CFAP69: variants seen among roughly 807,000 people sequenced by gnomAD.
CFAP69 encodes cilia- and flagella-associated protein 69.
In CFAP69, 92 loss-of-function variants were observed where a neutral mutation model predicts 123.0. The ratio of observed to expected loss-of-function variants is 0.75; its 90% CI spans 0.63 to 0.89. CFAP69 has a LOEUF of 0.89. CFAP69 is among the 40% of genes least tolerant of loss of function. The pLI is 0.00. For synonymous variants in CFAP69, 380 were observed against 364.3 expected, an observed-to-expected ratio of 1.04 and a Z score of -0.49; for missense variants, 1,067 against 1,096.9, an observed-to-expected ratio of 0.97 and a Z score of 0.39.
intron 15 of CFAP69, among the ~76,000 whole-genome samples, chr7:90,291,029 G>A (rs982676704): frequency 1.7e-4 from 26 of 152,026 alleles, no homozygotes; most frequent in Non-Finnish European, 3.8e-4. Flanking sequence ...ACCAAAGTAG[G>A]CACTTTAGCA....
chr7:90,258,850 TCA>T, intron 3 of CFAP69, among the ~76,000 whole-genome samples: 1 of 152,294 alleles, frequency 6.6e-6, no homozygotes, highest in East Asian at 1.9e-4. Context: ...GTGGATAATG[TCA>T]GTTTTTGTCG....
intron 22 of CFAP69, 102 bp downstream of exon 22, chr7:90,309,469 A>G (rs929598319): frequency 1.4e-5 from 8 of 561,284 alleles, no homozygotes; most frequent in Non-Finnish European, 2.4e-5. Context: ...TACCCATTAA[A>G]TGGATGGATT....
Position 90,279,852 on chromosome 7 carries a change from A to G in CFAP69, c.1331A>G (p.Asn444Ser), listed in dbSNP as rs1299113796. 1.2e-6 allele frequency: 2 copies of G among 1,611,030 alleles called. No individual in the cohort carries two copies. The highest frequency in any genetic ancestry group is 1.7e-5 in the Admixed American group (1 of 59,020). Residue 444 changes from asparagine (N) to serine (S), a missense_variant, in exon 12 of 23, where the codon AAT (asparagine) becomes AGT (serine). Asn to Ser is a conservative substitution (Grantham distance 46). Transcript: ENST00000389297. ...LIEEYMSCQG[N>S]ARVLAFLEWC... ...GAAGAATACATGTCATGCCAGGGAA[A>G]TGCTCGAGTCCTTGCATTTCTAGAA...
chr7:90,314,870 C>A (rs776546372), downstream of CFAP69, among the ~76,000 whole-genome samples: 2 of 151,506 alleles, frequency 1.3e-5, no homozygotes, highest in Admixed American at 6.6e-5. Flanking sequence ...TCGCTCCCCC[C>A]CCTGCTTTAA....
intron 20 of CFAP69, 30 bp downstream of exon 20, chr7:90,307,128 A>G (rs1333599077): frequency 6.4e-7 from 1 of 1,572,682 alleles, no homozygotes; most frequent in African/African-American, 1.4e-5. Flanking sequence ...AGGAGGGAGA[A>G]TGAAGATAGG....
At chr7:90,293,514 G>T (rs546071547) in intron 15 of CFAP69, among the ~76,000 whole-genome samples, 3 of 152,046 alleles carry the variant, frequency 2.0e-5, no homozygotes, top group African/African-American at 7.2e-5. Context: ...TCACAAATCT[G>T]CCCCAACTTG....
chr7:90,303,411 C>G (rs1436868264), intron 17 of CFAP69: 1 of 254,894 alleles, frequency 3.9e-6, no homozygotes, highest in Non-Finnish European at 6.2e-6. Context: ...ATGCTTCCAG[C>G]TTTTCTCCAT....
intron 15 of CFAP69, among the ~76,000 whole-genome samples, 186 bp from the exon 16 acceptor site, chr7:90,297,563 G>T (rs960559752): frequency 6.6e-6 from 1 of 152,156 alleles, no homozygotes; most frequent in Non-Finnish European, 1.5e-5. Flanking sequence ...TTTTAAAAAC[G>T]TTGAAACTGA....
chr7:90,279,830 G>A lies in CFAP69; in HGVS notation c.1309G>A (p.Glu437Lys). Residue 437 changes from glutamate to lysine, a missense_variant, in exon 12 of 23, where the codon GAA becomes AAA. Glu to Lys is a moderately conservative substitution (Grantham distance 56). Coordinates refer to ENST00000389297, the MANE Select transcript of CFAP69 (RefSeq NM_001039706.3). ...ATCAGTGGCTCCTTTATTAATAGAA[G>A]AATACATGTCATGCCAGGGAAATGC... ...LSSVAPLLIE[E>K]YMSCQGNARV... 6.2e-7 allele frequency: 1 copy of A among 1,612,582 alleles called. No individual in the cohort carries two copies. The highest frequency in any genetic ancestry group is 8.5e-7 in the Non-Finnish European group (1 of 1,179,642).
the CFAP69 span, chr7:90,320,923 T>A: frequency 6.6e-6 from 1 of 152,264 alleles, no homozygotes; most frequent in Non-Finnish European, 1.5e-5. Context: ...TCAGGTCACC[T>A]GGGCGCAGAA....
intron 14 of CFAP69, chr7:90,287,787 T>C: frequency 2.1e-6 from 2 of 962,888 alleles, no homozygotes; most frequent in Non-Finnish European, 2.5e-6. Flanking sequence ...GGTTAAAACT[T>C]CACAAAAATT....
At position 90,271,623 on chromosome 7, in the gene CFAP69, A is replaced by T. The variant is rs761151815; in HGVS notation, c.630A>T (p.Gln210His). The change falls in exon 7 of 23, where the codon CAA becomes CAT. Residue 210 changes from glutamine (Q) to histidine (H), a missense_variant. By Grantham distance (24) the Gln-to-His change is conservative. Coordinates refer to ENST00000389297, the MANE Select transcript of CFAP69 (RefSeq NM_001039706.3). ...MVQSMTLLENQLVEKLWVLKV... is the reference protein window; with the variant it reads ...MVQSMTLLENHLVEKLWVLKV... ...AGTCAATGACCTTGCTTGAAAATCAACTTGTTGAGAAACTTTGGGTACTTA... is the reference window on the plus strand; with the variant it reads ...AGTCAATGACCTTGCTTGAAAATCATCTTGTTGAGAAACTTTGGGTACTTA... 3.7e-6 allele frequency: 6 copies of T among 1,613,608 alleles called. No homozygotes were observed. Among genetic ancestry groups the T allele is most frequent in the Non-Finnish European group, 4.2e-6 (5 of 1,179,710 alleles).
chr7:90,248,497 A>G (rs192550256), intron 1 of CFAP69, among the ~76,000 whole-genome samples: 1 of 152,228 alleles, frequency 6.6e-6, no homozygotes, highest in African/African-American at 2.4e-5. Context: ...ACAGAGTATT[A>G]GATTTTTCTA....
intron 20 of CFAP69, 65 bp downstream of exon 20, chr7:90,307,163 G>A (rs1793729124): frequency 8.9e-7 from 1 of 1,125,896 alleles, no homozygotes; most frequent in Admixed American, 2.1e-5. Flanking sequence ...CAAAAATACA[G>A]TTAGATAGAA....
At chr7:90,295,378 G>C (rs1038954380) in intron 15 of CFAP69, among the ~76,000 whole-genome samples, 29 of 152,108 alleles carry the variant, frequency 1.9e-4, no homozygotes, top group African/African-American at 6.5e-4. Flanking sequence ...ACTCCCCTAA[G>C]TTGACCTCTA....
chr7:90,295,481 G>T (rs1285915426), intron 15 of CFAP69, among the ~76,000 whole-genome samples: 2 of 152,148 alleles, frequency 1.3e-5, no homozygotes, highest in Non-Finnish European at 2.9e-5. Flanking sequence ...GGGGCTGAGG[G>T]CTTTCTTCAG....
rs747962978 is a variant in CFAP69, at chr7:90,307,793, A to T, written c.2489A>T (p.Glu830Val). Residue 830 changes from glutamate to valine, a missense_variant, in exon 21 of 23, where the codon GAG becomes GTG. By Grantham distance (121) the Glu-to-Val change is moderately radical. Transcript: ENST00000389297. ...ATACAGGCCACGCACAAGCAAAGAG[A>T]GCTGGCTAATAAATCATGGGAAGAT... ...AKIQATHKQR[E>V]LANKSWEDFL... is the part of the protein sequence containing the mutation. 2 of 1,611,274 alleles carry T rather than the reference A, an allele frequency of 1.2e-6. No individual in the cohort carries two copies. Among genetic ancestry groups the T allele is most frequent in the African/African-American group, 1.3e-5 (1 of 74,644 alleles).
intron 12 of CFAP69, among the ~76,000 whole-genome samples, chr7:90,281,474 T>C (rs1789483348): frequency 6.6e-6 from 1 of 152,154 alleles, no homozygotes; most frequent in Admixed American, 6.6e-5. Flanking sequence ...GCATGGAATA[T>C]ATGAAAGGTT....
chr7:90,273,762 C>T (rs1412609388), intron 8 of CFAP69, among the ~76,000 whole-genome samples: 2 of 152,054 alleles, frequency 1.3e-5, no homozygotes, highest in African/African-American at 4.8e-5. Context: ...GGGTTGCATA[C>T]TGCTGATCTC....
Sources: allele counts gnomAD v4.1 joint callset (sites outside exome capture counted in the v4.1 genomes callset), GRCh38; gene constraint gnomAD v4.1.1; transcripts MANE v1.5; gene names NCBI Gene and HGNC (gene_info 2026-07-23, HGNC 2026-07-21).